Variants in TMEM132B observed in about 807,000 individuals in gnomAD.
TMEM132B encodes transmembrane protein 132B.
Under a neutral mutation model 90.8 loss-of-function variants are expected in TMEM132B, and 18 were observed. That is an observed-to-expected ratio of 0.20 (90% CI 0.14 to 0.29). The LOEUF is 0.29. Among genes scored for constraint, TMEM132B ranks in the 10% least tolerant of loss-of-function variants. The pLI, the probability that TMEM132B is intolerant of heterozygous loss-of-function variation, is 1.00. For missense variants in TMEM132B, 1,096 were observed against 1,326.8 expected (o/e 0.83, Z 2.70); for synonymous variants, 504 against 523.3 (o/e 0.96, Z 0.50).
chr12:125,525,494 C>T (rs369533363), intron 4 of TMEM132B, among the ~76,000 whole-genome samples: 4 of 152,212 alleles, frequency 2.6e-5, no homozygotes, highest in Non-Finnish European at 4.4e-5. Context: ...CCCTGGAAGA[C>T]GCAGCAACAA....
At position 125,652,612 on chromosome 12, in the gene TMEM132B, G is replaced by A. The variant is rs1283987176; in HGVS notation, c.2086G>A (p.Val696Ile). 9 of 1,612,976 alleles carry A rather than the reference G, an allele frequency of 5.6e-6. No homozygotes were observed. The highest frequency in any genetic ancestry group is 2.2e-5 in the East Asian group (1 of 44,842). The change falls in exon 8 of 9, where the codon GTT (valine) becomes ATT (isoleucine). Residue 696 changes from valine to isoleucine, a missense_variant. Val to Ile is a conservative substitution (Grantham distance 29). Coordinates refer to ENST00000682704, the MANE Select transcript of TMEM132B (RefSeq NM_001366854.1). ...AIVSTAAALD[V>I]LQSPQQEAIV... is the part of the protein sequence containing the mutation. ...CGTCTCCACAGCTGCTGCCCTGGAT[G>A]TTCTTCAGTCCCCACAGCAGGTGAG...
Position 125,407,118 on chromosome 12 carries a change from C to G in TMEM132B, c.960-8413C>G, listed in dbSNP as rs1014211322. On this transcript the variant is annotated intron_variant, in intron 2 of 8. Transcript: ENST00000682704. The surrounding 1 kb of genome is among the most constrained non-coding windows in gnomAD (Gnocchi z 6.7). The stretch of plus-strand genomic sequence containing the variant: ...CTGACTCTCCAGTCCCTCCAGTGGT[C>G]AAGCAGATCCCATGTGGCCCAAGCC... 5.9e-5 allele frequency among the ~76,000 whole-genome samples: 9 copies of G among 152,204 alleles called. No homozygotes were observed. Among genetic ancestry groups the G allele is most frequent in the African/African-American group, 2.2e-4 (9 of 41,442 alleles).
chr12:125,617,737 C>T (rs537571196), intron 5 of TMEM132B, among the ~76,000 whole-genome samples: 20 of 152,046 alleles, frequency 1.3e-4, no homozygotes, highest in Non-Finnish European at 2.5e-4. Flanking sequence ...CAGCTTATCC[C>T]TCTATTGTTT....
intron 4 of TMEM132B, among the ~76,000 whole-genome samples, chr12:125,541,319 A>G (rs575326986): frequency 6.6e-6 from 1 of 152,308 alleles, no homozygotes; most frequent in Non-Finnish European, 1.5e-5. Context: ...GCAGCCTCTT[A>G]TGCGGGAGCT....
chr12:125,344,822 G>A (rs1877304017), intron 1 of TMEM132B, among the ~76,000 whole-genome samples: 1 of 141,242 alleles, frequency 7.1e-6, no homozygotes, highest in South Asian at 2.6e-4. Flanking sequence ...GCAAGTAAGG[G>A]CAAGGAGAAC....
In TMEM132B at chr12:125,490,973, G is replaced by A. The variant is rs1296166097; in HGVS notation, c.1107-28466G>A. Among the ~76,000 whole-genome samples, 1 of 152,156 alleles carries A rather than the reference G, an allele frequency of 6.6e-6. No homozygotes were observed. Among genetic ancestry groups the A allele is most frequent in the African/African-American group, 2.4e-5 (1 of 41,430 alleles). On this transcript the variant is annotated intron_variant, in intron 3 of 8. Coordinates refer to ENST00000682704, the MANE Select transcript of TMEM132B (RefSeq NM_001366854.1). The surrounding 1 kb of genome is among the most constrained non-coding windows in gnomAD (Gnocchi z 4.2). The stretch of plus-strand genomic sequence containing the variant: ...AGCTTTATGGAGAGGCCCATGTGGT[G>A]AAAGACTGAGGCCTCCTGACAATAG...
chr12:125,456,654 A>G (rs1273588767), intron 3 of TMEM132B, among the ~76,000 whole-genome samples: 3 of 151,896 alleles, frequency 2.0e-5, no homozygotes, highest in Non-Finnish European at 2.9e-5. Flanking sequence ...GGCTGTTCCT[A>G]CCTGGCCACT....
At chr12:125,425,359 C>T (rs1210119374) in intron 3 of TMEM132B, among the ~76,000 whole-genome samples, 3 of 152,150 alleles carry the variant, frequency 2.0e-5, no homozygotes, top group African/African-American at 7.2e-5. Flanking sequence ...GAAAGTATAG[C>T]AAATTGCCAC....
At chr12:125,196,854 T>A (rs1379619374) in intron 1 of TMEM132B, among the ~76,000 whole-genome samples, 2 of 152,192 alleles carry the variant, frequency 1.3e-5, no homozygotes, top group Non-Finnish European at 2.9e-5. Flanking sequence ...ATCTTAATAA[T>A]GATGCTTGAC....
chr12:125,442,201 T>A (rs944917376), intron 3 of TMEM132B, among the ~76,000 whole-genome samples: 32 of 152,378 alleles, frequency 2.1e-4, no homozygotes, highest in South Asian at 6.2e-4. Context: ...AGAACATTGC[T>A]GTGAAATCTG....
At chr12:125,232,901 G>A (rs546658012) in intron 1 of TMEM132B, among the ~76,000 whole-genome samples, 1 of 152,334 alleles carries the variant, frequency 6.6e-6, no homozygotes, top group Non-Finnish European at 1.5e-5. Flanking sequence ...CTAGCCTGGA[G>A]AAGTTGGGAA....
In TMEM132B at chr12:125,630,929, GA is replaced by G. The variant is rs35415363; in HGVS notation, c.1438-13140del. Among the ~76,000 whole-genome samples, 3 of 151,662 alleles carry G rather than the reference GA, an allele frequency of 2.0e-5. No individual in the cohort carries two copies. In the South Asian group the frequency reaches 6.2e-4, roughly 31 times the overall value. ...CACAAAAGACACGATCTCATTCTTA[GA>G]AAAAAACAACTTTTTGTTTCATTGA... On this transcript the variant is annotated intron_variant, in intron 5 of 8. Coordinates refer to ENST00000682704, the MANE Select transcript of TMEM132B (RefSeq NM_001366854.1).
intron 1 of TMEM132B, among the ~76,000 whole-genome samples, chr12:125,307,973 A>G (rs929543474): frequency 8.1e-5 from 11 of 136,184 alleles, no homozygotes; most frequent in Non-Finnish European, 1.2e-4. Flanking sequence ...TAAGTAATAT[A>G]AGTATATTAA....
At chr12:125,409,715 T>G (rs1593128736) in intron 2 of TMEM132B, among the ~76,000 whole-genome samples, 1 of 27,314 alleles carries the variant, frequency 3.7e-5, no homozygotes, top group Non-Finnish European at 6.9e-5. Flanking sequence ...GTGGAGTGAG[T>G]GGAGTGGAGT....
At chr12:125,413,053 G>A (rs1217725097) in intron 2 of TMEM132B, among the ~76,000 whole-genome samples, 2 of 152,050 alleles carry the variant, frequency 1.3e-5, no homozygotes, top group African/African-American at 2.4e-5. Flanking sequence ...TACAGGAAGG[G>A]GAGAAAGGGA....
intron 2 of TMEM132B, among the ~76,000 whole-genome samples, chr12:125,403,896 T>C (rs548934712): frequency 6.6e-6 from 1 of 152,330 alleles, no homozygotes; most frequent in African/African-American, 2.4e-5. Flanking sequence ...AATGATTGGC[T>C]CAAGATTGAG....
chr12:125,624,779 A>G (rs1050451543), intron 5 of TMEM132B, among the ~76,000 whole-genome samples: 1 of 152,132 alleles, frequency 6.6e-6, no homozygotes, highest in Non-Finnish European at 1.5e-5. Context: ...GGTCAGAGCA[A>G]TGTTTTCCAG....
chr12:125,537,442 C>T (rs1450222499), intron 4 of TMEM132B, among the ~76,000 whole-genome samples: 1 of 152,202 alleles, frequency 6.6e-6, no homozygotes, highest in African/African-American at 2.4e-5. Context: ...TCTACTGTTC[C>T]TGGGGCCTTC....
In TMEM132B at chr12:125,598,062, A is replaced by T. The variant is rs536775453; in HGVS notation, c.1437+14068A>T. Among the ~76,000 whole-genome samples the T allele has an allele frequency of 5.3e-5, 8 of 152,338 alleles. No individual in the cohort carries two copies. The South Asian group carries it at 1.7e-3, about 32-fold the overall frequency. Reference sequence around the variant, plus strand: ...GGAGATTAAGGCTGACATGAATTGTACAAGTAAAGCTAGAGAACTGCTATG... The same window carrying T: ...GGAGATTAAGGCTGACATGAATTGTTCAAGTAAAGCTAGAGAACTGCTATG... On this transcript the variant is annotated intron_variant, in intron 5 of 8. Coordinates refer to ENST00000682704, the MANE Select transcript of TMEM132B (RefSeq NM_001366854.1).
Sources: allele counts gnomAD v4.1 joint callset (sites outside exome capture counted in the v4.1 genomes callset), GRCh38; gene constraint gnomAD v4.1.1; non-coding constraint Gnocchi (gnomAD v3.1); transcripts MANE v1.5; gene names NCBI Gene and HGNC (gene_info 2026-07-23, HGNC 2026-07-21).